Variants in ACSM1 observed in about 807,000 individuals in gnomAD.
The protein encoded by ACSM1 is acyl-coenzyme A synthetase ACSM1, mitochondrial.
ACSM1 carries 79 observed loss-of-function variants against 75.8 expected under a neutral mutation model. That is an observed-to-expected ratio of 1.04 (90% CI 0.87 to 1.26). ACSM1 has a LOEUF of 1.26. Among genes scored for constraint, ACSM1 ranks in the 50% most tolerant of loss-of-function variants. ACSM1 has a pLI of 0.00. For missense variants in ACSM1, 676 were observed against 720.1 expected, an observed-to-expected ratio of 0.94 and a Z score of 0.70; for synonymous variants, 279 against 265.8, an observed-to-expected ratio of 1.05 and a Z score of -0.48.
At chr16:20,666,267 A>G (rs921180613) in intron 6 of ACSM1, among the ~76,000 whole-genome samples, 1 of 152,208 alleles carries the variant, frequency 6.6e-6, no homozygotes, top group African/African-American at 2.4e-5. Flanking sequence ...GGAACGGATA[A>G]ACAACTTCAG....
rs147224925 is a variant in ACSM1, at chr16:20,636,767, C to T, written c.1271G>A (p.Arg424Lys). 2.4e-5 allele frequency: 39 copies of T among 1,614,028 alleles called. No homozygotes were observed. The African/African-American group carries it at 4.4e-4, about 18-fold the overall frequency. The change falls in exon 10 of 14, where the codon AGG becomes AAG. Residue 424 changes from arginine (R) to lysine (K), a missense_variant. Arg to Lys is a conservative substitution (Grantham distance 26, BLOSUM62 2). Transcript: ENST00000520010. Reference sequence around the variant, plus strand: ...ATAGCACATGAAGAGGCTCACAGGCCTGACAGGTTTGATTCTGATGCCAAT... The same window carrying T: ...ATAGCACATGAAGAGGCTCACAGGCTTGACAGGTTTGATTCTGATGCCAAT... ...GNIGIRIKPV[R>K]PVSLFMCYEG...
intron 7 of ACSM1, 62 bp downstream of exon 7, chr16:20,661,732 T>C: frequency 8.2e-7 from 1 of 1,215,444 alleles, no homozygotes; most frequent in South Asian, 1.3e-5. Flanking sequence ...AAACAGACCA[T>C]GATGTATCAG....
Position 20,648,215 on chromosome 16 carries a change from G to T in ACSM1, c.993-7631C>A, listed in dbSNP as rs2152232063. 6.6e-6 allele frequency among the ~76,000 whole-genome samples: 1 copy of T among 152,266 alleles called. No individual in the cohort carries two copies. The highest frequency in any genetic ancestry group is 1.5e-5 in the Non-Finnish European group (1 of 68,018). On this transcript the variant is annotated intron_variant, in intron 7 of 13. Transcript: ENST00000520010. This position sits in a 1 kb window ranked among gnomAD's most constrained non-coding sequence, Gnocchi z 4.2. ...TCTGACAACTTTAAAAGTCTGAAAA[G>T]AAACATTTACCATCTATTCTCTCTG...
At position 20,669,872 on chromosome 16, in the gene ACSM1, G is replaced by C. The variant is rs2019795055; in HGVS notation, c.867C>G (p.Val289=). 1.2e-6 allele frequency: 2 copies of C among 1,614,016 alleles called. No individual in the cohort carries two copies. Among genetic ancestry groups the C allele is most frequent in the Non-Finnish European group, 1.7e-6 (2 of 1,179,918 alleles). ...LVEPWTAGCT[V]FIHHLPQFDT... ...CAAACTGTGGCAGATGGTGGATAAA[G>C]ACTGTACAACCCGCTGTCCATGGTT... Residue 289 remains valine, a synonymous_variant, in exon 6 of 14, where the codon GTC becomes GTG. Coordinates refer to ENST00000520010, the MANE Select transcript of ACSM1 (RefSeq NM_001318890.3).
intron 1 of ACSM1, among the ~76,000 whole-genome samples, chr16:20,691,693 G>T (rs969572660): frequency 2.0e-5 from 3 of 151,602 alleles, no homozygotes; most frequent in Non-Finnish European, 2.9e-5. Context: ...GTCCAGGGTT[G>T]AGCAGTCATT....
chr16:20,690,030 G>A (rs1473062471), intron 2 of ACSM1, among the ~76,000 whole-genome samples: 1 of 152,162 alleles, frequency 6.6e-6, no homozygotes, highest in Non-Finnish European at 1.5e-5. Context: ...GATTGCCAAG[G>A]CACATAACAA....
chr16:20,677,333 G>T (rs2020350419), intron 4 of ACSM1, among the ~76,000 whole-genome samples: 1 of 152,070 alleles, frequency 6.6e-6, no homozygotes, highest in South Asian at 2.1e-4. Context: ...AGGCCATGAA[G>T]GTTCTAACTC....
chr16:20,640,396 T>C (rs2017976091), intron 8 of ACSM1, 65 bp downstream of exon 8: 22 of 1,593,714 alleles, frequency 1.4e-5, no homozygotes, highest in Non-Finnish European at 1.8e-5. Flanking sequence ...TCATTAACCT[T>C]AGCAAAATAA....
chr16:20,692,114 A>G (rs965521245), intron 1 of ACSM1, among the ~76,000 whole-genome samples: 3 of 152,192 alleles, frequency 2.0e-5, no homozygotes, highest in Admixed American at 6.5e-5. Context: ...ACTGAAAAAT[A>G]TACACCATCA....
At chr16:20,633,078 G>C (rs1011841691) in intron 10 of ACSM1, among the ~76,000 whole-genome samples, 1 of 152,118 alleles carries the variant, frequency 6.6e-6, no homozygotes, top group Non-Finnish European at 1.5e-5. Context: ...GGTGAAAGTT[G>C]GAAAGATTTT....
In ACSM1 at chr16:20,636,767, C is replaced by CT. The variant is rs1567253678; in HGVS notation, c.1270dup (p.Arg424LysfsTer10). On this transcript the variant is annotated frameshift_variant, in exon 10 of 14. Transcript: ENST00000520010. LOFTEE classifies it high-confidence loss of function. ...ATAGCACATGAAGAGGCTCACAGGC[C>CT]TGACAGGTTTGATTCTGATGCCAAT... 6.2e-7 allele frequency: 1 copy of CT among 1,614,028 alleles called. No individual in the cohort carries two copies. Among genetic ancestry groups the CT allele is most frequent in the Non-Finnish European group, 8.5e-7 (1 of 1,180,026 alleles).
At chr16:20,669,765 G>A (rs1235350274) in intron 6 of ACSM1, 62 bp downstream of exon 6, 1 of 1,526,282 alleles carries the variant, frequency 6.6e-7, no homozygotes, top group African/African-American at 1.4e-5. Flanking sequence ...TTTTTAGCAA[G>A]GTCCAGGAAA....
chr16:20,635,402 A>C (rs1464412092), intron 10 of ACSM1, among the ~76,000 whole-genome samples: 2 of 152,082 alleles, frequency 1.3e-5, no homozygotes, highest in African/African-American at 2.4e-5. Flanking sequence ...TTTTTCTTTA[A>C]ATATATTTCT....
In ACSM1 at chr16:20,624,121, G is replaced by C. The variant is rs1299288103; in HGVS notation, c.1622C>G (p.Thr541Arg). ...CTTCCTTGGGTACTTGTATGGGGCTGTCACTGACTTGACATGCTGCTGCAG... is the reference window on the plus strand; with the variant it reads ...CTTCCTTGGGTACTTGTATGGGGCTCTCACTGACTTGACATGCTGCTGCAG... ...KELQQHVKSV[T>R]APYKYPRKVE... The change falls in exon 13 of 14, where the codon ACA becomes AGA. Residue 541 changes from threonine to arginine, a missense_variant. Physicochemically the swap from Thr to Arg is moderately conservative, Grantham distance 71. Transcript: ENST00000520010. 2.5e-6 allele frequency: 4 copies of C among 1,613,046 alleles called. No individual in the cohort carries two copies. The highest frequency in any genetic ancestry group is 3.4e-6 in the Non-Finnish European group (4 of 1,179,348).
At chr16:20,649,061 C>T (rs1369239781) in intron 7 of ACSM1, among the ~76,000 whole-genome samples, 2 of 152,250 alleles carry the variant, frequency 1.3e-5, no homozygotes, top group East Asian at 3.9e-4. Context: ...AATAAATTTG[C>T]AATCTTTCTC....
At position 20,645,605 on chromosome 16, in the gene ACSM1, G is replaced by T. The variant is rs572527278; in HGVS notation, c.993-5021C>A. On this transcript the variant is annotated intron_variant, in intron 7 of 13. Coordinates refer to ENST00000520010, the MANE Select transcript of ACSM1 (RefSeq NM_001318890.3). Reference sequence around the variant, plus strand: ...CAGACACTAACTCCAAATGAGAGAAGTGCCGCCATTACTGCAGCCTGAGAG... The same window carrying T: ...CAGACACTAACTCCAAATGAGAGAATTGCCGCCATTACTGCAGCCTGAGAG... Among the ~76,000 whole-genome samples, 5 of 152,254 alleles carry T rather than the reference G, an allele frequency of 3.3e-5. No homozygotes were observed. In the East Asian group the frequency reaches 9.6e-4, roughly 29 times the overall value.
At chr16:20,690,875 C>T (rs1427035357) in intron 2 of ACSM1, 122 bp downstream of exon 2, 1 of 927,024 alleles carries the variant, frequency 1.1e-6, no homozygotes, top group African/African-American at 1.7e-5. Context: ...AAGCTTCTTC[C>T]ACAACACTGA....
At chr16:20,639,149 T>C (rs921684182) in intron 8 of ACSM1, among the ~76,000 whole-genome samples, 2 of 152,112 alleles carry the variant, frequency 1.3e-5, no homozygotes, top group Non-Finnish European at 2.9e-5. Flanking sequence ...CTGTCCAGCA[T>C]TGGAAATGGA....
At chr16:20,637,800 T>G (rs2017814494) in intron 8 of ACSM1, among the ~76,000 whole-genome samples, 1 of 152,228 alleles carries the variant, frequency 6.6e-6, no homozygotes, top group Admixed American at 6.5e-5. Flanking sequence ...TGTGTCAGTT[T>G]GCTAGGGGAA....
Sources: allele counts gnomAD v4.1 joint callset (sites outside exome capture counted in the v4.1 genomes callset), GRCh38; gene constraint gnomAD v4.1.1; non-coding constraint Gnocchi (gnomAD v3.1); transcripts MANE v1.5; gene names NCBI Gene and HGNC (gene_info 2026-07-23, HGNC 2026-07-21).